CEP164: variants seen among roughly 807,000 people sequenced by gnomAD.
The protein encoded by CEP164 is centrosomal protein 164.
In CEP164, 162 loss-of-function variants were observed where a neutral mutation model predicts 182.7. The observed-to-expected ratio is 0.89, with a 90% CI of 0.78 to 1.01. The LOEUF (loss-of-function observed/expected upper bound fraction) is 1.01. CEP164 is among the 50% of genes least tolerant of loss of function. The probability of loss-of-function intolerance (pLI) is 0.00; values close to 1 mark genes in which losing one functional copy is unlikely to be tolerated. For missense variants in CEP164, 1,735 were observed against 1,790.4 expected (o/e 0.97, Z 0.56); for synonymous variants, 661 against 690.0 (o/e 0.96, Z 0.66).
intron 27 of CEP164, among the ~76,000 whole-genome samples, chr11:117,407,457 CAAAA>C (rs1232486465): frequency 1.0e-4 from 7 of 69,006 alleles, no homozygotes; most frequent in Admixed American, 5.5e-4. Context: ...TCTGTCTCTA[CAAAA>C]AAAAAAAAAA....
At chr11:117,332,675 A>G (rs947628889) in intron 1 of CEP164, among the ~76,000 whole-genome samples, 1 of 152,248 alleles carries the variant, frequency 6.6e-6, no homozygotes, top group Non-Finnish European at 1.5e-5. Flanking sequence ...CTGGGTTGAC[A>G]GGAGAGGATA....
Position 117,395,658 on chromosome 11 carries a change from CT to C in CEP164, c.3026del (p.Leu1009ArgfsTer35). 5 of 1,613,678 alleles carry C rather than the reference CT, an allele frequency of 3.1e-6. No individual in the cohort carries two copies. Among genetic ancestry groups the C allele is most frequent in the Non-Finnish European group, 2.5e-6 (3 of 1,180,032 alleles). ...TCTTGATGAGCTGCAGGCCCGCAAG[CT>C]GAAGCTGGAGTCCCAAGTGGATCTG... Reference protein sequence around the residue: ...EILDELQARKLKLESQVDLLQ... With the variant: ...EILDELQARKXKLESQVDLLQ... On this transcript the variant is annotated frameshift_variant, in exon 24 of 33. Transcript: ENST00000278935. LOFTEE classifies it high-confidence loss of function.
At chr11:117,347,836 C>T (rs1401821200) in intron 4 of CEP164, among the ~76,000 whole-genome samples, 1 of 152,042 alleles carries the variant, frequency 6.6e-6, no homozygotes, top group South Asian at 2.1e-4. Flanking sequence ...TGAACATGGT[C>T]TGTTTTCATT....
intron 14 of CEP164, among the ~76,000 whole-genome samples, chr11:117,383,897 G>T (rs771574676): frequency 6.6e-6 from 1 of 152,176 alleles, no homozygotes; most frequent in Non-Finnish European, 1.5e-5. Flanking sequence ...TTAGCTGGGC[G>T]TGGTGGCAGG....
At position 117,407,936 on chromosome 11, in the gene CEP164, C is replaced by T. The variant is rs1331617193; in HGVS notation, c.3513C>T (p.His1171=). ...MRKNLEKETR[H]LDEMKSAMRK... is the part of the protein sequence containing the mutation. ...CTCCTTGGCTGCAGGAGACCAGGCA[C>T]CTGGATGAGATGAAGTCGGCCATGC... is the stretch of plus-strand genomic sequence containing the variant. Residue 1171 remains histidine, a synonymous_variant, in exon 28 of 33, where the codon CAC becomes CAT. Transcript: ENST00000278935. 1 of 1,593,996 alleles carries T rather than the reference C, an allele frequency of 6.3e-7. No homozygotes were observed. The highest frequency in any genetic ancestry group is 8.5e-7 in the Non-Finnish European group (1 of 1,170,054).
At chr11:117,340,017 GT>G (rs535763837) in intron 3 of CEP164, among the ~76,000 whole-genome samples, 1 of 150,216 alleles carries the variant, frequency 6.7e-6, no homozygotes, top group African/African-American at 2.4e-5. Flanking sequence ...TTTGTTCTTT[GT>G]TTTTTTTTGT....
intron 15 of CEP164, among the ~76,000 whole-genome samples, chr11:117,390,432 G>A (rs1413857653): frequency 6.6e-6 from 1 of 151,942 alleles, no homozygotes; most frequent in Non-Finnish European, 1.5e-5. Flanking sequence ...AGGATCACTT[G>A]AGCCTAGGAG....
chr11:117,339,266 G>T (rs186567870), intron 3 of CEP164, among the ~76,000 whole-genome samples: 1 of 152,162 alleles, frequency 6.6e-6, no homozygotes, highest in East Asian at 1.9e-4. Context: ...GTTACTCTCC[G>T]GTTGTTTACA....
chr11:117,341,511 T>C (rs2038117797), intron 3 of CEP164, among the ~76,000 whole-genome samples: 1 of 151,882 alleles, frequency 6.6e-6, no homozygotes, highest in Admixed American at 6.6e-5. Context: ...TGGTGTGAAC[T>C]TGGCTTATTG....
chr11:117,365,764 G>A (rs903098874), intron 8 of CEP164, among the ~76,000 whole-genome samples: 49 of 151,966 alleles, frequency 3.2e-4, no homozygotes, highest in African/African-American at 1.0e-3. Flanking sequence ...ATTTTTAGTA[G>A]ATACGGGGTT....
chr11:117,325,972 G>A (rs567019835), upstream of CEP164, among the ~76,000 whole-genome samples: 717 of 142,376 alleles, frequency 5.0e-3, 3 homozygotes, highest in Non-Finnish European at 7.4e-3. Flanking sequence ...GTGCAATGTC[G>A]AGACCTTGGC....
intron 28 of CEP164, chr11:117,408,632 A>AGTCT (rs755372343): frequency 3.8e-4 from 185 of 482,164 alleles, no homozygotes; most frequent in Non-Finnish European, 6.3e-4. Context: ...GCCCCAGAGG[A>AGTCT]GTCTACTCAC....
chr11:117,344,594 T>C (rs1005009589), intron 4 of CEP164, among the ~76,000 whole-genome samples: 7 of 152,182 alleles, frequency 4.6e-5, no homozygotes, highest in Non-Finnish European at 1.0e-4. Flanking sequence ...CAGACTGATA[T>C]TGTAAGTGAC....
chr11:117,392,587 T>G lies in CEP164; in HGVS notation c.2453T>G (p.Val818Gly). 2 of 1,613,790 alleles carry G rather than the reference T, an allele frequency of 1.2e-6. No individual in the cohort carries two copies. The highest frequency in any genetic ancestry group is 1.7e-6 in the Non-Finnish European group (2 of 1,179,942). ...TGCCTTGGGCAAGTGGAGCACAGAG[T>G]TCACCAGAAGTCTTATCACGTGGCT... ...QKCLGQVEHRVHQKSYHVAGY... is the reference protein window; with the variant it reads ...QKCLGQVEHRGHQKSYHVAGY... Residue 818 changes from valine to glycine, a missense_variant, in exon 19 of 33, where the codon GTT becomes GGT. Transcript: ENST00000278935.
intron 3 of CEP164, among the ~76,000 whole-genome samples, chr11:117,338,942 C>G (rs1164672373): frequency 6.6e-6 from 1 of 151,940 alleles, no homozygotes; most frequent in Non-Finnish European, 1.5e-5. Flanking sequence ...CTCAGCCTCC[C>G]GAGAAGCTGG....
At chr11:117,329,839 C>CTTTTTTTT (rs61429989) in intron 1 of CEP164, among the ~76,000 whole-genome samples, 2 of 95,560 alleles carry the variant, frequency 2.1e-5, no homozygotes, top group African/African-American at 4.3e-5. Flanking sequence ...TGCGCCTGGC[C>CTTTTTTTT]TTTTTTTTTT....
intron 27 of CEP164, among the ~76,000 whole-genome samples, chr11:117,403,227 A>ATT (rs2046336663): frequency 6.6e-6 from 1 of 152,146 alleles, no homozygotes; most frequent in Non-Finnish European, 1.5e-5. Context: ...CTAGCTGGTT[A>ATT]TTTTGCCCAT....
At chr11:117,404,455 C>G (rs1466408515) in intron 27 of CEP164, among the ~76,000 whole-genome samples, 2 of 152,184 alleles carry the variant, frequency 1.3e-5, no homozygotes, top group Admixed American at 6.5e-5. Flanking sequence ...ACTCTAGACC[C>G]TATTTGCTTG....
At chr11:117,344,102 A>G in intron 3 of CEP164, 64 bp from the exon 4 acceptor site, 1 of 886,702 alleles carries the variant, frequency 1.1e-6, no homozygotes, top group South Asian at 1.6e-5. Context: ...AAGTAGAAAA[A>G]AGATTGTGAG....
Sources: gnomAD v4.1 joint callset for allele counts (sites outside exome capture counted in the v4.1 genomes callset) on GRCh38, gnomAD v4.1.1 for gene constraint, MANE v1.5 for transcripts, NCBI Gene and HGNC (gene_info 2026-07-23, HGNC 2026-07-21) for gene names.